Variants in YIPF1 observed in about 807,000 individuals in gnomAD.
YIPF1 encodes protein YIPF1.
In YIPF1, 22 loss-of-function variants were observed where a neutral mutation model predicts 37.0. The ratio of observed to expected loss-of-function variants is 0.59; its 90% CI spans 0.42 to 0.85. The LOEUF is 0.85. YIPF1 is among the 40% of genes least tolerant of loss of function. The pLI, the probability that YIPF1 is intolerant of heterozygous loss-of-function variation, is 0.00. For missense variants in YIPF1, 355 were observed against 373.1 expected (o/e 0.95, Z 0.40); for synonymous variants, 128 against 131.9 (o/e 0.97, Z 0.21).
At chr1:53,883,302 C>T (rs761120324) in intron 3 of YIPF1, 26 bp from the exon 4 acceptor site, 9 of 1,510,538 alleles carry the variant, frequency 6.0e-6, no homozygotes, top group South Asian at 1.3e-5. Flanking sequence ...GCACACGGGC[C>T]TCAGAAACCT....
chr1:53,879,585 G>A (rs17109525), intron 4 of YIPF1, among the ~76,000 whole-genome samples: 19,940 of 152,224 alleles, frequency 0.13, 1,475 homozygotes, highest in South Asian at 0.25. Flanking sequence ...CTCTTTGGTG[G>A]CAGAATGCAT....
intron 10 of YIPF1, among the ~76,000 whole-genome samples, chr1:53,852,752 T>A (rs546815527): frequency 6.7e-6 from 1 of 149,994 alleles, no homozygotes; most frequent in East Asian, 2.0e-4. Context: ...TGCAGGGGGT[T>A]TCAATTTTGT....
chr1:53,883,085 A>G, intron 4 of YIPF1, 28 bp downstream of exon 4: 1 of 1,542,374 alleles, frequency 6.5e-7, no homozygotes. Flanking sequence ...AAAATTGTTT[A>G]AAAAATATCT....
At chr1:53,859,993 G>A in intron 10 of YIPF1, 63 bp downstream of exon 10, 1 of 1,541,092 alleles carries the variant, frequency 6.5e-7, no homozygotes, top group South Asian at 1.1e-5. Flanking sequence ...AACACTAACA[G>A]AATTGATACA....
intron 4 of YIPF1, among the ~76,000 whole-genome samples, chr1:53,882,431 A>AGCT (rs1379027717): frequency 1.4e-4 from 21 of 152,104 alleles, no homozygotes; most frequent in African/African-American, 5.1e-4. Flanking sequence ...GAGGTACTCA[A>AGCT]GCAAGTGTTT....
At chr1:53,858,661 TTC>T (rs1214309704) in intron 10 of YIPF1, among the ~76,000 whole-genome samples, 3 of 151,900 alleles carry the variant, frequency 2.0e-5, no homozygotes, top group Non-Finnish European at 4.4e-5. Context: ...TAGAGACAGG[TTC>T]TCTCTCTATC....
intron 6 of YIPF1, among the ~76,000 whole-genome samples, chr1:53,874,237 A>G (rs1335597979): frequency 6.6e-6 from 1 of 152,138 alleles, no homozygotes; most frequent in East Asian, 1.9e-4. Flanking sequence ...GCTGGACTCC[A>G]GAGACTTACG....
intron 6 of YIPF1, among the ~76,000 whole-genome samples, chr1:53,875,440 C>G (rs1441044998): frequency 6.6e-6 from 1 of 152,098 alleles, no homozygotes; most frequent in East Asian, 1.9e-4. Flanking sequence ...TGGCTTGAGC[C>G]CAGGATTTTG....
intron 6 of YIPF1, among the ~76,000 whole-genome samples, chr1:53,872,567 T>C (rs1288672699): frequency 6.6e-6 from 1 of 152,226 alleles, no homozygotes; most frequent in African/African-American, 2.4e-5. Context: ...GTAGAACAAA[T>C]ACTATCTTTA....
chr1:53,872,550 G>C (rs1310620862), intron 6 of YIPF1, among the ~76,000 whole-genome samples: 1 of 152,128 alleles, frequency 6.6e-6, no homozygotes, highest in Non-Finnish European at 1.5e-5. Context: ...TCTAGAAAAA[G>C]TACTATGTAG....
At chr1:53,862,888 C>G (rs900911709) in intron 9 of YIPF1, among the ~76,000 whole-genome samples, 1 of 152,182 alleles carries the variant, frequency 6.6e-6, no homozygotes, top group Non-Finnish European at 1.5e-5. Context: ...ATCACCCAAC[C>G]AGGTGACAGT....
At chr1:53,859,712 A>G (rs999860161) in intron 10 of YIPF1, among the ~76,000 whole-genome samples, 1 of 152,142 alleles carries the variant, frequency 6.6e-6, no homozygotes, top group African/African-American at 2.4e-5. Context: ...AAAAACCACC[A>G]GGATTGTTAT....
rs150581693 is a variant in YIPF1, at chr1:53,861,793, C to T, written c.832-1640G>A. 3.6e-3 allele frequency among the ~76,000 whole-genome samples: 541 copies of T among 152,218 alleles called. 4 individuals are homozygous for T. Among genetic ancestry groups the T allele is most frequent in the African/African-American group, 0.012 (508 of 41,538 alleles). ...CTTTGGGAGGCCAAGGCAGGTGGAT[C>T]ATTTGAGGCCAGGAGTTCAAGACCA... On this transcript the variant is annotated intron_variant, in intron 9 of 10. Transcript: ENST00000072644.
chr1:53,882,166 C>G (rs1650518599), intron 4 of YIPF1, among the ~76,000 whole-genome samples: 1 of 152,060 alleles, frequency 6.6e-6, no homozygotes, highest in African/African-American at 2.4e-5. Context: ...ATGGTGAGAA[C>G]ACATGGACAC....
rs561222677 is a variant in YIPF1 at position 53,874,285 on chromosome 1, A to G, written c.365-2797T>C. Among the ~76,000 whole-genome samples, 9 of 152,282 alleles carry G rather than the reference A, an allele frequency of 5.9e-5. No individual in the cohort carries two copies. The East Asian group carries it at 1.7e-3, about 29-fold the overall frequency. On this transcript the variant is annotated intron_variant, in intron 6 of 10. Transcript: ENST00000072644. ...CCCAGGACCTGCCATGTTGCTTCAT[A>G]CTGCCTTCTCCGTTTCCTGCCAAAT...
intron 7 of YIPF1, among the ~76,000 whole-genome samples, chr1:53,869,564 G>T (rs1191188486): frequency 6.6e-6 from 1 of 152,154 alleles, no homozygotes; most frequent in Admixed American, 6.5e-5. Context: ...TAGCAGTCTA[G>T]TTCCAGAACT....
At chr1:53,879,100 G>C (rs571767890) in intron 4 of YIPF1, among the ~76,000 whole-genome samples, 2 of 126,624 alleles carry the variant, frequency 1.6e-5, no homozygotes, top group South Asian at 5.3e-4. Flanking sequence ...ATATCTTTTC[G>C]CTTTTTTTTT....
chr1:53,862,062 T>G (rs1649897791), intron 9 of YIPF1, among the ~76,000 whole-genome samples: 1 of 152,230 alleles, frequency 6.6e-6, no homozygotes, highest in Non-Finnish European at 1.5e-5. Flanking sequence ...TCTTGAATTC[T>G]ATGATTCATT....
chr1:53,882,786 G>A (rs1359309926), intron 4 of YIPF1, among the ~76,000 whole-genome samples: 1 of 91,594 alleles, frequency 1.1e-5, no homozygotes, highest in Admixed American at 9.5e-5. Context: ...TACATAGCAA[G>A]GACAGCATCA....
Sources: gnomAD v4.1 joint callset for allele counts (sites outside exome capture counted in the v4.1 genomes callset) on GRCh38, gnomAD v4.1.1 for gene constraint, MANE v1.5 for transcripts, NCBI Gene and HGNC (gene_info 2026-07-23, HGNC 2026-07-21) for gene names.